The following ALDH6A1 variants were observed in gnomAD, a reference collection of about 807,000 sequenced individuals.
ALDH6A1 encodes aldehyde dehydrogenase 6 family member A1, also known as methylmalonate-semialdehyde/malonate-semialdehyde dehydrogenase [acylating], mitochondrial.
In ALDH6A1, 43 loss-of-function variants were observed where a neutral mutation model predicts 62.6. The observed-to-expected ratio is 0.69, with a 90% CI of 0.54 to 0.89. The LOEUF is 0.89. ALDH6A1 is among the 40% of genes least tolerant of loss of function. ALDH6A1 has a pLI of 0.00. For synonymous variants in ALDH6A1, 194 were observed against 234.2 expected, an observed-to-expected ratio of 0.83 and a Z score of 1.57; for missense variants, 551 against 661.3, an observed-to-expected ratio of 0.83 and a Z score of 1.83.
intron 6 of ALDH6A1, among the ~76,000 whole-genome samples, chr14:74,070,475 C>T (rs1438181224): frequency 6.6e-6 from 1 of 152,082 alleles, no homozygotes; most frequent in Non-Finnish European, 1.5e-5. Context: ...GCCGAGATCG[C>T]ACCACTGCTC....
At chr14:74,083,843 C>T (rs974825583) in intron 1 of ALDH6A1, among the ~76,000 whole-genome samples, 7 of 152,220 alleles carry the variant, frequency 4.6e-5, no homozygotes, top group Non-Finnish European at 1.0e-4. Flanking sequence ...AAAGTTCATA[C>T]ACTGACCCTC....
intron 1 of ALDH6A1, among the ~76,000 whole-genome samples, chr14:74,079,577 C>T (rs1270687927): frequency 6.6e-6 from 1 of 151,968 alleles, no homozygotes; most frequent in Non-Finnish European, 1.5e-5. Context: ...GGACTACAGG[C>T]GCCCGCCACC....
At chr14:74,075,141 C>T in intron 1 of ALDH6A1, 124 bp from the exon 2 acceptor site, 1 of 810,386 alleles carries the variant, frequency 1.2e-6, no homozygotes, top group Non-Finnish European at 2.1e-6. Context: ...AAAGGCCATA[C>T]AGTCATTAAA....
At chr14:74,081,970 G>A (rs1464739812) in intron 1 of ALDH6A1, among the ~76,000 whole-genome samples, 1 of 152,150 alleles carries the variant, frequency 6.6e-6, no homozygotes, top group Non-Finnish European at 1.5e-5. Flanking sequence ...ACTTTGGGAG[G>A]CTGAGGTGGG....
chr14:74,057,976 A>G lies in ALDH6A1; in HGVS notation c.*2666T>C, dbSNP rs1461210886. 1 of 852,602 alleles carries G rather than the reference A, an allele frequency of 1.2e-6. No homozygotes were observed. Among genetic ancestry groups the G allele is most frequent in the Non-Finnish European group, 1.4e-6 (1 of 706,524 alleles). 52.8% of individuals were successfully genotyped at this position (852,602 alleles called of 1,614,324 possible). A position where few individuals can be genotyped will look rare whatever the true frequency, so the allele number is the denominator to read the frequency against. ...GTGACTACATTTAATTCCACTTGGA[A>G]TATAGACAATAATGACCTTTTATTT... On this transcript the variant is annotated 3_prime_UTR_variant, in exon 12 of 12. Transcript: ENST00000553458.
chr14:74,081,245 C>G (rs1422309693), intron 1 of ALDH6A1: 1 of 152,060 alleles, frequency 6.6e-6, no homozygotes, highest in Non-Finnish European at 1.5e-5. Context: ...TTGTTGTGTC[C>G]CCAGCCCCTA....
At chr14:74,065,516 T>C in intron 9 of ALDH6A1, 156 bp from the exon 10 acceptor site, 1 of 743,174 alleles carries the variant, frequency 1.3e-6, no homozygotes, top group South Asian at 1.7e-5. Context: ...AAAAAAAAAG[T>C]CCTCTCTCAA....
At position 74,066,923 on chromosome 14, in the gene ALDH6A1, A is replaced by G. The variant is rs200271276; in HGVS notation, c.1043-37T>C. The G allele has an allele frequency of 1.6e-4, 247 of 1,590,230 alleles. No individual in the cohort carries two copies. In the African/African-American group the frequency reaches 2.9e-3, roughly 19 times the overall value. ...CACAGAAGAATTTAAGGTCCTCATT[A>G]ACATAAATTATGACTGCTGCCAGGG... On this transcript the variant is annotated intron_variant, in intron 8 of 11. Transcript: ENST00000553458.
chr14:74,083,911 G>T (rs189507661), intron 1 of ALDH6A1, among the ~76,000 whole-genome samples: 1 of 152,296 alleles, frequency 6.6e-6, no homozygotes, highest in African/African-American at 2.4e-5. Flanking sequence ...GAAGTAGGGT[G>T]GGGGAAGGGA....
At chr14:74,070,277 G>T (rs28483275) in intron 6 of ALDH6A1, among the ~76,000 whole-genome samples, 1 of 151,988 alleles carries the variant, frequency 6.6e-6, no homozygotes, top group African/African-American at 2.4e-5. Flanking sequence ...CCAGCACTTT[G>T]GGAGGCCGAG....
At position 74,068,981 on chromosome 14, in the gene ALDH6A1, G is replaced by C; in HGVS notation, c.731C>G (p.Ala244Gly). 1 of 1,613,246 alleles carries C rather than the reference G, an allele frequency of 6.2e-7. No homozygotes were observed. Among genetic ancestry groups the C allele is most frequent in the Non-Finnish European group, 8.5e-7 (1 of 1,179,688 alleles). The change falls in exon 7 of 12, where the codon GCT becomes GGT. Residue 244 changes from alanine to glycine, a missense_variant and splice_region_variant. By Grantham distance (60) the Ala-to-Gly change is moderately conservative. Coordinates refer to ENST00000553458, the MANE Select transcript of ALDH6A1 (RefSeq NM_005589.4). Reference protein sequence around the residue: ...TLNIIHGQHEAVNFICDHPDI... With the variant: ...TLNIIHGQHEGVNFICDHPDI... Reference sequence around the variant, plus strand: ...CGGATGATCGCAAATAAAATTTACAGCTTTAAGAAGAAAATAAATGATCAC... The same window carrying C: ...CGGATGATCGCAAATAAAATTTACACCTTTAAGAAGAAAATAAATGATCAC...
Position 74,071,877 on chromosome 14 carries a change from T to C in ALDH6A1, c.427+19A>G, listed in dbSNP as rs1477142728. 4 of 1,613,392 alleles carry C rather than the reference T, an allele frequency of 2.5e-6. No individual in the cohort carries two copies. Among genetic ancestry groups the C allele is most frequent in the South Asian group, 2.2e-5 (2 of 91,062 alleles). The stretch of plus-strand genomic sequence containing the variant: ...CCTTTGGTCCTTCCCAAAAGTCCCA[T>C]AAGGGGCTCCCAGCTTACGAAGGCC... On this transcript the variant is annotated intron_variant, in intron 5 of 11. Coordinates refer to ENST00000553458, the MANE Select transcript of ALDH6A1 (RefSeq NM_005589.4).
At chr14:74,077,131 T>C (rs1401906514) in intron 1 of ALDH6A1, among the ~76,000 whole-genome samples, 1 of 152,026 alleles carries the variant, frequency 6.6e-6, no homozygotes, top group Non-Finnish European at 1.5e-5. Flanking sequence ...CCACTGACAC[T>C]CTCCTGGAGC....
Position 74,059,333 on chromosome 14 carries a change from A to T in ALDH6A1, c.*1309T>A. The T allele has an allele frequency of 2.2e-6, 1 of 455,978 alleles. No homozygotes were observed. The highest frequency in any genetic ancestry group is 4.4e-6 in the Non-Finnish European group (1 of 226,652). 28.2% of individuals were successfully genotyped at this position (455,978 alleles called of 1,614,324 possible). On this transcript the variant is annotated 3_prime_UTR_variant, in exon 12 of 12. Transcript: ENST00000553458. ...TTTGCTTAAGGCAGGTGTCTTACCC[A>T]TTTTCATGGTTGGAACAATCCTTGA...
At position 74,072,228 on chromosome 14, in the gene ALDH6A1, T is replaced by C. The variant is rs141954288; in HGVS notation, c.323A>G (p.Tyr108Cys). The C allele has an allele frequency of 6.2e-7, 1 of 1,614,118 alleles. No homozygotes were observed. The highest frequency in any genetic ancestry group is 1.3e-5 in the African/African-American group (1 of 74,940). ...CAAGTTTTCTTTAATAAGTTGTTGA[T>C]AGCGGAGCAAGACCTGCTGGCGGCT... is the stretch of plus-strand genomic sequence containing the variant. Reference protein sequence around the residue: ...VLSRQQVLLRYQQLIKENLKE... With the variant: ...VLSRQQVLLRCQQLIKENLKE... Residue 108 changes from tyrosine to cysteine, a missense_variant, in exon 4 of 12, where the codon TAT (tyrosine) becomes TGT (cysteine). Tyr to Cys is a radical substitution (Grantham distance 194, BLOSUM62 -2). Transcript: ENST00000553458.
rs1051368922 is a variant in ALDH6A1 at position 74,057,270 on chromosome 14, G to T, written c.*3372C>A. On this transcript the variant is annotated 3_prime_UTR_variant, in exon 12 of 12. Coordinates refer to ENST00000553458, the MANE Select transcript of ALDH6A1 (RefSeq NM_005589.4). The stretch of plus-strand genomic sequence containing the variant: ...AGGAGTCTGACACAGTAAGGAGTCT[G>T]TATCTAATCAAACAATGTATATTGT... 6.2e-7 allele frequency: 1 copy of T among 1,614,020 alleles called. No individual in the cohort carries two copies. The highest frequency in any genetic ancestry group is 1.7e-5 in the Admixed American group (1 of 60,004).
At chr14:74,061,038 C>T (rs1338539003) in intron 11 of ALDH6A1, among the ~76,000 whole-genome samples, 6 of 150,444 alleles carry the variant, frequency 4.0e-5, no homozygotes, top group East Asian at 4.0e-4. Context: ...AGTGCAGTGG[C>T]ATGATCTCAG....
At chr14:74,069,013 A>C in intron 6 of ALDH6A1, 32 bp from the exon 7 acceptor site, 1 of 1,610,830 alleles carries the variant, frequency 6.2e-7, no homozygotes, top group Non-Finnish European at 8.5e-7. Context: ...TCACTCACAA[A>C]GGAGCAAATG....
At chr14:74,071,793 G>A (rs1265212555) in intron 5 of ALDH6A1, 103 bp downstream of exon 5, 11 of 1,489,254 alleles carry the variant, frequency 7.4e-6, no homozygotes, top group Non-Finnish European at 1.0e-5. Flanking sequence ...TCATGGGATG[G>A]CAAAATCTAT....
Sources: gnomAD v4.1 joint callset for allele counts (sites outside exome capture counted in the v4.1 genomes callset) on GRCh38, gnomAD v4.1.1 for gene constraint, MANE v1.5 for transcripts, NCBI Gene and HGNC (gene_info 2026-07-23, HGNC 2026-07-21) for gene names.